EYS: variants seen among roughly 807,000 people sequenced by gnomAD.
The protein encoded by EYS is protein eyes shut homolog.
A neutral mutation model predicts 282.1 loss-of-function variants in EYS; 250 were observed. The observed-to-expected ratio is 0.89, with a 90% CI of 0.80 to 0.98. The LOEUF (loss-of-function observed/expected upper bound fraction) is 0.98. Ranked by LOEUF, EYS falls within the 50% of genes least tolerant of loss-of-function variation. EYS has a pLI of 0.00. For synonymous variants in EYS, 1,355 were observed against 1,282.9 expected, an observed-to-expected ratio of 1.06 and a Z score of -1.20; for missense variants, 4,016 against 3,709.0, an observed-to-expected ratio of 1.08 and a Z score of -2.15.
intron 31 of EYS, among the ~76,000 whole-genome samples, chr6:64,159,938 A>T (rs1481923475): frequency 1.3e-5 from 2 of 152,308 alleles, no homozygotes; most frequent in East Asian, 3.9e-4. Context: ...GTATTAAGTA[A>T]TTCTGACCAA....
intron 12 of EYS, among the ~76,000 whole-genome samples, chr6:65,254,424 G>A (rs955234757): frequency 6.6e-6 from 1 of 151,844 alleles, no homozygotes; most frequent in Non-Finnish European, 1.5e-5. Context: ...ACACAGGATG[G>A]AGTGGAAGAG....
intron 35 of EYS, among the ~76,000 whole-genome samples, chr6:63,924,180 TTAA>T: frequency 6.6e-6 from 1 of 152,334 alleles, no homozygotes; most frequent in South Asian, 2.1e-4. Context: ...CCTCTCAGAA[TTAA>T]TTGGGTCTTA....
At chr6:64,129,190 T>A (rs1447520783) in intron 31 of EYS, among the ~76,000 whole-genome samples, 1 of 152,014 alleles carries the variant, frequency 6.6e-6, no homozygotes, top group Non-Finnish European at 1.5e-5. Flanking sequence ...ATAGAAAAAA[T>A]TTTCACACAC....
At chr6:64,121,237 A>T (rs1353423299) in intron 31 of EYS, among the ~76,000 whole-genome samples, 1 of 152,162 alleles carries the variant, frequency 6.6e-6, no homozygotes, top group Non-Finnish European at 1.5e-5. Context: ...ACATAACTTA[A>T]CCTAATCAAG....
At chr6:65,050,320 C>A (rs1303646298) in intron 13 of EYS, among the ~76,000 whole-genome samples, 2 of 151,560 alleles carry the variant, frequency 1.3e-5, no homozygotes, top group African/African-American at 4.8e-5. Context: ...CTAATAAAAA[C>A]CAATATTTGC....
At chr6:65,367,415 T>TA (rs970614581) in intron 8 of EYS, among the ~76,000 whole-genome samples, 36 of 151,708 alleles carry the variant, frequency 2.4e-4, no homozygotes, top group African/African-American at 8.2e-4. Flanking sequence ...TAAAACTTGT[T>TA]AAAAAAAGTT....
rs772339340 is a variant in EYS, at chr6:64,591,313, T to C, written c.4554A>G (p.Thr1518=). Residue 1518 remains threonine, a synonymous_variant, in exon 26 of 43, where the codon ACA becomes ACG. Coordinates refer to ENST00000503581, the MANE Select transcript of EYS (RefSeq NM_001142800.2). ...LNSSALHRFS[T]KAFNPSEYQA... ...GATATTCACTGGGATTGAAGGCTTTTGTACTGAACCGGTGCAGAGCTGATG... is the reference window on the plus strand; with the variant it reads ...GATATTCACTGGGATTGAAGGCTTTCGTACTGAACCGGTGCAGAGCTGATG... The C allele has an allele frequency of 7.1e-6, 11 of 1,551,296 alleles. No individual in the cohort carries two copies. The highest frequency in any genetic ancestry group is 9.6e-6 in the Non-Finnish European group (11 of 1,146,800).
intron 36 of EYS, among the ~76,000 whole-genome samples, chr6:63,843,045 G>T (rs751916022): frequency 6.6e-6 from 1 of 152,124 alleles, no homozygotes. Context: ...GTAGTGTGAT[G>T]CCTCCAGTTT....
At chr6:65,065,903 T>C (rs929389418) in intron 12 of EYS, among the ~76,000 whole-genome samples, 1 of 152,206 alleles carries the variant, frequency 6.6e-6, no homozygotes, top group African/African-American at 2.4e-5. Flanking sequence ...TTAGAACCTA[T>C]CCAATAAATG....
intron 12 of EYS, among the ~76,000 whole-genome samples, chr6:65,287,534 C>T (rs1326059506): frequency 6.6e-6 from 1 of 151,264 alleles, no homozygotes; most frequent in Non-Finnish European, 1.5e-5. Flanking sequence ...TGAAATGCAA[C>T]ATTTAGTAAA....
At chr6:64,209,208 A>G (rs1297367457) in intron 31 of EYS, among the ~76,000 whole-genome samples, 2 of 152,172 alleles carry the variant, frequency 1.3e-5, no homozygotes, top group East Asian at 3.8e-4. Context: ...AATCCAAGTG[A>G]TAGATACAGT....
At chr6:64,319,404 C>A (rs566964754) in intron 29 of EYS, among the ~76,000 whole-genome samples, 1 of 151,936 alleles carries the variant, frequency 6.6e-6, no homozygotes, top group East Asian at 1.9e-4. Flanking sequence ...CAATGGTTTT[C>A]ATCCTGTATT....
chr6:64,349,599 T>C (rs907853252), intron 29 of EYS, among the ~76,000 whole-genome samples: 1 of 151,332 alleles, frequency 6.6e-6, no homozygotes, highest in Non-Finnish European at 1.5e-5. Flanking sequence ...AAAGTGCATA[T>C]TTTTATTTAA....
chr6:65,639,920 T>C (rs1335094264), intron 1 of EYS, 28 bp from the exon 2 acceptor site: 1 of 152,122 alleles, frequency 6.6e-6, no homozygotes, highest in Non-Finnish European at 1.5e-5. Flanking sequence ...AGAAAAATTA[T>C]TTTATCTTTC....
intron 12 of EYS, among the ~76,000 whole-genome samples, chr6:65,257,916 A>T (rs1767514042): frequency 6.6e-6 from 1 of 152,008 alleles, no homozygotes; most frequent in South Asian, 2.1e-4. Context: ...AATGAAAAAG[A>T]TCTAGTATTG....
intron 5 of EYS, among the ~76,000 whole-genome samples, chr6:65,486,722 G>A (rs1765796396): frequency 6.6e-6 from 1 of 152,264 alleles, no homozygotes; most frequent in East Asian, 1.9e-4. Flanking sequence ...TAAATTGAGA[G>A]AGTCAACAAC....
rs1771317697 is a variant in EYS, at chr6:64,997,714, C to A, written c.2138-11G>T. On this transcript the variant is annotated splice_polypyrimidine_tract_variant and intron_variant, in intron 13 of 42. Coordinates refer to ENST00000503581, the MANE Select transcript of EYS (RefSeq NM_001142800.2). ...AAAAGCCATCAACCACTGGAAACAA[C>A]AGAAAAGAGAAAACTCTTAACATTC... is the stretch of plus-strand genomic sequence containing the variant. 2 of 1,549,666 alleles carry A rather than the reference C, an allele frequency of 1.3e-6. No individual in the cohort carries two copies. Among genetic ancestry groups the A allele is most frequent in the African/African-American group, 2.7e-5 (2 of 72,978 alleles).
intron 33 of EYS, among the ~76,000 whole-genome samples, chr6:64,027,090 T>C (rs1165551941): frequency 2.0e-5 from 3 of 152,252 alleles, no homozygotes; most frequent in African/African-American, 4.8e-5. Flanking sequence ...GAGTAAATGA[T>C]AGAATGACAG....
intron 15 of EYS, among the ~76,000 whole-genome samples, chr6:64,934,758 A>G (rs1337164439): frequency 6.6e-6 from 1 of 151,952 alleles, no homozygotes; most frequent in African/African-American, 2.4e-5. Flanking sequence ...TATAAAGAAT[A>G]GTAATGATAG....
Sources: gnomAD v4.1 joint callset for allele counts (sites outside exome capture counted in the v4.1 genomes callset) on GRCh38, gnomAD v4.1.1 for gene constraint, MANE v1.5 for transcripts, NCBI Gene and HGNC (gene_info 2026-07-23, HGNC 2026-07-21) for gene names.